The following MYO1D variants were observed in gnomAD, a reference collection of about 807,000 sequenced individuals.
MYO1D encodes the protein myosin ID.
In MYO1D, 83 loss-of-function variants were observed where a neutral mutation model predicts 122.0. The ratio of observed to expected loss-of-function variants is 0.68; its 90% CI spans 0.57 to 0.82. The LOEUF is 0.82. MYO1D is among the 40% of genes least tolerant of loss of function. The pLI is 0.00. For missense variants in MYO1D, 1,157 were observed against 1,269.5 expected, an observed-to-expected ratio of 0.91 and a Z score of 1.35; for synonymous variants, 464 against 446.9, an observed-to-expected ratio of 1.04 and a Z score of -0.48.
intron 1 of MYO1D, among the ~76,000 whole-genome samples, chr17:32,820,366 A>G (rs1323323235): frequency 8.5e-5 from 13 of 152,246 alleles, no homozygotes; most frequent in Non-Finnish European, 1.5e-5. Flanking sequence ...GAAAGAATCA[A>G]AGTGTCTGTT....
At chr17:32,624,179 C>T (rs911477724) in intron 20 of MYO1D, among the ~76,000 whole-genome samples, 4 of 151,426 alleles carry the variant, frequency 2.6e-5, no homozygotes, top group Non-Finnish European at 4.4e-5. Flanking sequence ...CTGCATAGTG[C>T]AGTCACCTAG....
At chr17:32,757,024 T>TA (rs2089954133) in intron 10 of MYO1D, among the ~76,000 whole-genome samples, 1 of 152,188 alleles carries the variant, frequency 6.6e-6, no homozygotes, top group South Asian at 2.1e-4. Flanking sequence ...TGTCCCATCT[T>TA]ACGCAGGAGT....
rs4795714 is a variant in MYO1D at position 32,609,386 on chromosome 17, C to T, written c.2710-4145G>A. On this transcript the variant is annotated intron_variant, in intron 20 of 21. Coordinates refer to ENST00000318217, the MANE Select transcript of MYO1D (RefSeq NM_015194.3). ...CCACACGGCCTGTGGTAGGGACAGA[C>T]GTGCAGAAGATGCTGAGAATGTGAT... is the stretch of plus-strand genomic sequence containing the variant. 2.0e-4 allele frequency among the ~76,000 whole-genome samples: 31 copies of T among 152,294 alleles called. 1 individual carries two copies. The Middle Eastern group carries it at 0.017, about 84-fold the overall frequency.
Position 32,659,200 on chromosome 17 carries a change from G to A in MYO1D, c.2260C>T (p.Arg754Ter). Residue 754 changes from arginine (R) to a stop codon, truncating the protein, a stop_gained, in exon 17 of 22, where the codon CGA (arginine) becomes TGA (stop). Transcript: ENST00000318217. LOFTEE classifies it high-confidence loss of function. ...CACTTCACGTGCTTCCCGTAGTCTCGCATGGTCTTGACGCCATGGAAGCGT... is the reference window on the plus strand; with the variant it reads ...CACTTCACGTGCTTCCCGTAGTCTCACATGGTCTTGACGCCATGGAAGCGT... Reference protein sequence around the residue: ...ARRFHGVKTMRDYGKHVKWPS... With the variant: ...ARRFHGVKTM 2 of 1,614,150 alleles carry A rather than the reference G, an allele frequency of 1.2e-6. No homozygotes were observed. Among genetic ancestry groups the A allele is most frequent in the Non-Finnish European group, 1.7e-6 (2 of 1,180,014 alleles).
At position 32,492,871 on chromosome 17, in the gene MYO1D, TG is replaced by T. The variant is rs35360816; in HGVS notation, c.*1887del. ...TTTTAGTACATCATAAAAAAGTGCT[TG>T]TCCTGTGGCCTCAGCTGGGAGGCCC... On this transcript the variant is annotated 3_prime_UTR_variant, in exon 22 of 22. Transcript: ENST00000318217. 0.42 allele frequency: 64,035 copies of T among 152,336 alleles called. 14,121 individuals carry two copies. Among genetic ancestry groups the T allele is most frequent in the Non-Finnish European group, 0.47 (31,952 of 67,940 alleles). 9.4% of individuals were successfully genotyped at this position (152,336 alleles called of 1,614,324 possible).
In MYO1D at chr17:32,809,682, G is replaced by T. The variant is rs146430879; in HGVS notation, c.96-28898C>A. ...TCAAACTCCTGGCCTCAATTAATCT[G>T]CCTGTCTTGGCCTCCCAAAGTGCTG... On this transcript the variant is annotated intron_variant, in intron 1 of 21. Transcript: ENST00000318217. 9.7e-4 allele frequency among the ~76,000 whole-genome samples: 147 copies of T among 152,240 alleles called. 2 individuals are homozygous for T. The highest frequency in any genetic ancestry group is 2.6e-3 in the Admixed American group (39 of 15,288).
intron 8 of MYO1D, among the ~76,000 whole-genome samples, chr17:32,764,637 C>G (rs2090036454): frequency 6.6e-6 from 1 of 152,172 alleles, no homozygotes; most frequent in African/African-American, 2.4e-5. Context: ...AGAGAAGCAG[C>G]ACGTGAAGCC....
chr17:32,730,259 T>A (rs2089622121), intron 14 of MYO1D, among the ~76,000 whole-genome samples: 1 of 152,168 alleles, frequency 6.6e-6, no homozygotes, highest in Admixed American at 6.5e-5. Flanking sequence ...ATTTTTATTA[T>A]TTTTTTCTGA....
intron 1 of MYO1D, among the ~76,000 whole-genome samples, chr17:32,856,578 A>C (rs559889554): frequency 6.6e-6 from 1 of 152,248 alleles, no homozygotes; most frequent in East Asian, 1.9e-4. Context: ...TGCTGTATTT[A>C]ATGGACACCT....
rs17780951 is a variant in MYO1D at position 32,785,290 on chromosome 17, G to A, written c.96-4506C>T. 1.5e-3 allele frequency among the ~76,000 whole-genome samples: 230 copies of A among 152,244 alleles called. 1 individual carries two copies. The highest frequency in any genetic ancestry group is 2.8e-3 in the Non-Finnish European group (191 of 68,008). ...CTTGGTTGACTTCTTGAAATATATG[G>A]AACCAATTATAATCAGGAAGAAAAT... On this transcript the variant is annotated intron_variant, in intron 1 of 21. Coordinates refer to ENST00000318217, the MANE Select transcript of MYO1D (RefSeq NM_015194.3).
At chr17:32,769,023 T>C (rs186020847) in intron 6 of MYO1D, among the ~76,000 whole-genome samples, 1 of 152,346 alleles carries the variant, frequency 6.6e-6, no homozygotes, top group African/African-American at 2.4e-5. Flanking sequence ...GACTGGCATC[T>C]ACCTAGCCTC....
chr17:32,646,824 G>A (rs1210777015), intron 19 of MYO1D, among the ~76,000 whole-genome samples: 1 of 152,132 alleles, frequency 6.6e-6, no homozygotes, highest in Non-Finnish European at 1.5e-5. Context: ...AGGACATCAG[G>A]TAACAAAGTA....
chr17:32,618,887 G>A (rs560297772), intron 20 of MYO1D, among the ~76,000 whole-genome samples: 7 of 152,040 alleles, frequency 4.6e-5, no homozygotes, highest in African/African-American at 1.2e-4. Flanking sequence ...CACCTGCTTC[G>A]GCCTCCCAAA....
chr17:32,617,455 G>A (rs373232265), intron 20 of MYO1D, among the ~76,000 whole-genome samples: 30 of 152,036 alleles, frequency 2.0e-4, no homozygotes, highest in Non-Finnish European at 3.5e-4. Context: ...TTTTTGAGAC[G>A]GAGTTTCGCT....
At chr17:32,571,799 A>G (rs939622393) in intron 21 of MYO1D, among the ~76,000 whole-genome samples, 24 of 152,290 alleles carry the variant, frequency 1.6e-4, no homozygotes, top group Non-Finnish European at 3.1e-4. Flanking sequence ...GAATATTACC[A>G]TTTTACTCTA....
chr17:32,864,467 G>A (rs2091106764), intron 1 of MYO1D, among the ~76,000 whole-genome samples: 1 of 144,236 alleles, frequency 6.9e-6, no homozygotes, highest in African/African-American at 2.6e-5. Flanking sequence ...AACATCATGA[G>A]ACTGCTCAAG....
chr17:32,543,451 C>T (rs904112989), intron 21 of MYO1D, among the ~76,000 whole-genome samples: 1 of 150,634 alleles, frequency 6.6e-6, no homozygotes, highest in Admixed American at 6.6e-5. Flanking sequence ...TGGCGGGCCC[C>T]TGTAGTCCCA....
chr17:32,744,996 G>GTTC (rs1294704858), intron 13 of MYO1D, among the ~76,000 whole-genome samples: 7 of 152,154 alleles, frequency 4.6e-5, no homozygotes, highest in African/African-American at 1.7e-4. Context: ...GGCAACCCAA[G>GTTC]GGAAATCAAA....
intron 21 of MYO1D, among the ~76,000 whole-genome samples, chr17:32,567,512 G>A (rs897044524): frequency 1.3e-5 from 2 of 152,240 alleles, no homozygotes; most frequent in African/African-American, 4.8e-5. Flanking sequence ...CAAAGGTTAA[G>A]TAACGTCTGA....
Sources: gnomAD v4.1 joint callset for allele counts (sites outside exome capture counted in the v4.1 genomes callset) on GRCh38, gnomAD v4.1.1 for gene constraint, MANE v1.5 for transcripts, NCBI Gene and HGNC (gene_info 2026-07-23, HGNC 2026-07-21) for gene names.